CDKAL1: variants seen among roughly 807,000 people sequenced by gnomAD.
CDKAL1 encodes CDKAL1 threonylcarbamoyladenosine tRNA methylthiotransferase.
Under a neutral mutation model 68.2 loss-of-function variants are expected in CDKAL1, and 32 were observed. That is an observed-to-expected ratio of 0.47 (90% CI 0.35 to 0.63). The LOEUF (loss-of-function observed/expected upper bound fraction) is 0.63, where lower values mean the gene tolerates loss of function less well. CDKAL1 is among the 30% of genes least tolerant of loss of function. The probability of loss-of-function intolerance (pLI) is 0.00; values close to 1 mark genes in which losing one functional copy is unlikely to be tolerated. For synonymous variants in CDKAL1, 234 were observed against 244.3 expected (o/e 0.96, Z 0.39); for missense variants, 606 against 696.7 (o/e 0.87, Z 1.47).
chr6:20,550,524 GTTT>G (rs998918437), intron 4 of CDKAL1, among the ~76,000 whole-genome samples: 2 of 151,996 alleles, frequency 1.3e-5, no homozygotes, highest in Non-Finnish European at 2.9e-5. Context: ...GAAGCAACCA[GTTT>G]TCCAAGGAGT....
chr6:21,187,707 A>G (rs147990219), intron 13 of CDKAL1, among the ~76,000 whole-genome samples: 216 of 152,340 alleles, frequency 1.4e-3, no homozygotes, highest in African/African-American at 4.5e-3. Context: ...GCAGATTACT[A>G]GATTACATAA....
At chr6:20,906,777 C>G (rs1354763798) in intron 9 of CDKAL1, among the ~76,000 whole-genome samples, 2 of 151,970 alleles carry the variant, frequency 1.3e-5, no homozygotes, top group African/African-American at 4.8e-5. Flanking sequence ...AAATGAGGGA[C>G]AAAACAAATA....
chr6:20,855,756 A>G (rs13209243), intron 9 of CDKAL1, among the ~76,000 whole-genome samples: 88 of 152,268 alleles, frequency 5.8e-4, no homozygotes, highest in Middle Eastern at 3.4e-3. Flanking sequence ...TGTATGTTTC[A>G]TATTGTATAT....
At chr6:20,901,164 A>G (rs530539794) in intron 9 of CDKAL1, among the ~76,000 whole-genome samples, 3 of 152,168 alleles carry the variant, frequency 2.0e-5, no homozygotes, top group Admixed American at 6.5e-5. Context: ...ACAGATAAAC[A>G]TATTAAGTAG....
chr6:20,680,615 A>G (rs1770330882), intron 5 of CDKAL1, among the ~76,000 whole-genome samples: 1 of 152,150 alleles, frequency 6.6e-6, no homozygotes, highest in African/African-American at 2.4e-5. Context: ...CTTGTCTGGA[A>G]TTGTTCTTTC....
chr6:20,707,142 A>G (rs1477585454), intron 5 of CDKAL1, among the ~76,000 whole-genome samples: 2 of 152,252 alleles, frequency 1.3e-5, no homozygotes, highest in Non-Finnish European at 2.9e-5. Flanking sequence ...ACATTATACA[A>G]TGATGGAGAT....
intron 13 of CDKAL1, chr6:21,135,883 C>G (rs903004267): frequency 6.4e-6 from 1 of 155,436 alleles, no homozygotes; most frequent in African/African-American, 2.4e-5. Context: ...TCCTCTCCCT[C>G]CACGAGTCGT....
At chr6:20,627,180 C>T (rs897062208) in intron 4 of CDKAL1, among the ~76,000 whole-genome samples, 2 of 152,248 alleles carry the variant, frequency 1.3e-5, no homozygotes, top group Admixed American at 6.5e-5. Context: ...ACATAGTTTT[C>T]TCCATCAGGT....
chr6:20,869,003 C>T (rs111770651), intron 9 of CDKAL1, among the ~76,000 whole-genome samples: 4 of 152,238 alleles, frequency 2.6e-5, no homozygotes, highest in African/African-American at 9.6e-5. Flanking sequence ...CTTGAGGTGG[C>T]GGATGTGCAG....
intron 12 of CDKAL1, among the ~76,000 whole-genome samples, chr6:21,079,156 TTTTG>T (rs1202439614): frequency 5.9e-5 from 9 of 152,124 alleles, no homozygotes; most frequent in South Asian, 2.1e-4. Flanking sequence ...TGAGATATAT[TTTTG>T]TTTGTTTGTT....
At chr6:21,149,421 C>T (rs531942399) in intron 13 of CDKAL1, among the ~76,000 whole-genome samples, 1 of 152,296 alleles carries the variant, frequency 6.6e-6, no homozygotes, top group Non-Finnish European at 1.5e-5. Context: ...GCTGGGATTA[C>T]AGGCATGAAC....
intron 11 of CDKAL1, among the ~76,000 whole-genome samples, chr6:21,004,435 G>T (rs1767615633): frequency 6.6e-6 from 1 of 152,196 alleles, no homozygotes; most frequent in African/African-American, 2.4e-5. Context: ...TGCAACCTTT[G>T]CAAAGAAGAG....
chr6:20,546,264 A>T (rs375978576), intron 2 of CDKAL1, 82 bp from the exon 3 acceptor site: 21 of 1,085,680 alleles, frequency 1.9e-5, no homozygotes, highest in East Asian at 9.6e-5. Flanking sequence ...TTAGATTCAA[A>T]TTTGGTGAGA....
chr6:20,950,075 C>T (rs1032897152), intron 9 of CDKAL1, among the ~76,000 whole-genome samples: 11 of 151,954 alleles, frequency 7.2e-5, no homozygotes, highest in Non-Finnish European at 1.2e-4. Flanking sequence ...CAGGCACGAG[C>T]GCCCGGCCTC....
chr6:20,629,939 T>G (rs1485952922), intron 4 of CDKAL1, among the ~76,000 whole-genome samples: 1 of 152,118 alleles, frequency 6.6e-6, no homozygotes, highest in Non-Finnish European at 1.5e-5. Flanking sequence ...CTGCAGCCTC[T>G]GCCTCCTGGA....
At chr6:20,999,426 C>T (rs545332123) in intron 10 of CDKAL1, among the ~76,000 whole-genome samples, 39 of 151,960 alleles carry the variant, frequency 2.6e-4, no homozygotes, top group African/African-American at 9.4e-4. Flanking sequence ...TTATTCGCCC[C>T]CTTTGTATCC....
chr6:20,849,718 A>G (rs1025508225), intron 9 of CDKAL1, among the ~76,000 whole-genome samples: 1 of 152,188 alleles, frequency 6.6e-6, no homozygotes, highest in Non-Finnish European at 1.5e-5. Flanking sequence ...AAATCAAATG[A>G]TGGATTTTTC....
chr6:20,679,499 T>C (rs2127789606), intron 5 of CDKAL1, among the ~76,000 whole-genome samples: 1 of 152,334 alleles, frequency 6.6e-6, no homozygotes, highest in East Asian at 1.9e-4. Flanking sequence ...TATGTAGCAA[T>C]GAGCTCATTA....
rs143616058 is a variant in CDKAL1, at chr6:20,979,574, C to T, written c.910-20653C>T. ...GATAGGAACATGTTTCCCGGGGGTT[C>T]GAGGGTGAGCAGGGGCATTGTGACC... On this transcript the variant is annotated intron_variant, in intron 10 of 15. Coordinates refer to ENST00000274695, the MANE Select transcript of CDKAL1 (RefSeq NM_017774.3). Among the ~76,000 whole-genome samples, 487 of 151,744 alleles carry T rather than the reference C, an allele frequency of 3.2e-3. 5 individuals carry two copies. The highest frequency in any genetic ancestry group is 0.01 in the African/African-American group (417 of 41,354).
Sources: allele counts gnomAD v4.1 joint callset (sites outside exome capture counted in the v4.1 genomes callset), GRCh38; gene constraint gnomAD v4.1.1; transcripts MANE v1.5; gene names NCBI Gene and HGNC (gene_info 2026-07-23, HGNC 2026-07-21).